Variants in TMEM44 observed in about 807,000 individuals in gnomAD.
The protein encoded by TMEM44 is transmembrane protein 44.
In TMEM44, 43 loss-of-function variants were observed where a neutral mutation model predicts 47.8. The observed-to-expected ratio is 0.90, with a 90% CI of 0.70 to 1.16. The LOEUF (loss-of-function observed/expected upper bound fraction) is 1.16. Ranked by LOEUF, TMEM44 falls within the 50% of genes most tolerant of loss-of-function variation. The pLI, the probability that TMEM44 is intolerant of heterozygous loss-of-function variation, is 0.00. For missense variants in TMEM44, 568 were observed against 555.2 expected (o/e 1.02, Z -0.23); for synonymous variants, 277 against 238.8 (o/e 1.16, Z -1.48).
intron 7 of TMEM44, among the ~76,000 whole-genome samples, chr3:194,613,804 C>G (rs1394194345): frequency 6.6e-6 from 1 of 150,580 alleles, no homozygotes; most frequent in Non-Finnish European, 1.5e-5. Context: ...CTAAACAACA[C>G]TTAAAGATCA....
At chr3:194,626,744 C>T (rs572460902) in intron 2 of TMEM44, among the ~76,000 whole-genome samples, 13 of 143,430 alleles carry the variant, frequency 9.1e-5, no homozygotes, top group Admixed American at 2.9e-4. Flanking sequence ...AGTGCAGTGG[C>T]GTGATCTCGG....
At chr3:194,632,109 C>A (rs1326315283) in intron 1 of TMEM44, among the ~76,000 whole-genome samples, 1 of 152,212 alleles carries the variant, frequency 6.6e-6, no homozygotes, top group Non-Finnish European at 1.5e-5. Flanking sequence ...CCTCTCAGAA[C>A]CTCAGGGTTC....
At chr3:194,603,759 C>A (rs1009743733) in intron 9 of TMEM44, among the ~76,000 whole-genome samples, 17 of 152,162 alleles carry the variant, frequency 1.1e-4, no homozygotes, top group African/African-American at 4.1e-4. Context: ...TCGGTGAAGA[C>A]CGGGCCCCAA....
intron 9 of TMEM44, among the ~76,000 whole-genome samples, chr3:194,595,573 T>C (rs1278399007): frequency 2.0e-5 from 3 of 151,754 alleles, no homozygotes; most frequent in East Asian, 1.9e-4. Flanking sequence ...TTCGGATGGA[T>C]TGTAAAGTTT....
intron 9 of TMEM44, among the ~76,000 whole-genome samples, chr3:194,599,425 T>C (rs1713803568): frequency 6.6e-6 from 1 of 152,124 alleles, no homozygotes; most frequent in African/African-American, 2.4e-5. Flanking sequence ...AACCAGGATC[T>C]TCAAGGAATA....
At chr3:194,618,055 C>A (rs1424901355) in intron 5 of TMEM44, among the ~76,000 whole-genome samples, 1 of 152,144 alleles carries the variant, frequency 6.6e-6, no homozygotes, top group Non-Finnish European at 1.5e-5. Context: ...GCCAATTACA[C>A]CTGGTTTCCT....
In TMEM44 at chr3:194,611,179, T is replaced by C. The variant is rs1715289104; in HGVS notation, c.913-159A>G. On this transcript the variant is annotated intron_variant, in intron 7 of 9. Coordinates refer to ENST00000347147, the MANE Select transcript of TMEM44 (RefSeq NM_001011655.3). This position sits in a 1 kb window ranked among gnomAD's most constrained non-coding sequence, Gnocchi z 4.2. ...CTTTCTGCTTCCTATAAGATGTGTC[T>C]TATCTTTCTCTTCGAGGCCACAGTC... 6.6e-6 allele frequency among the ~76,000 whole-genome samples: 1 copy of C among 152,234 alleles called. No homozygotes were observed. Among genetic ancestry groups the C allele is most frequent in the Non-Finnish European group, 1.5e-5 (1 of 68,038 alleles).
intron 2 of TMEM44, 29 bp downstream of exon 2, chr3:194,628,354 A>C: frequency 6.2e-7 from 1 of 1,601,832 alleles, no homozygotes; most frequent in Non-Finnish European, 8.5e-7. Flanking sequence ...TGCTGGCCTA[A>C]GCCACTGTCA....
intron 8 of TMEM44, among the ~76,000 whole-genome samples, chr3:194,608,580 T>C (rs2109179326): frequency 6.6e-6 from 1 of 152,282 alleles, no homozygotes; most frequent in South Asian, 2.1e-4. Flanking sequence ...ACTGGGTGGT[T>C]AGGGAAGAGC....
chr3:194,601,145 G>GT (rs200964048), intron 9 of TMEM44, among the ~76,000 whole-genome samples: 6,695 of 144,314 alleles, frequency 0.046, 239 homozygotes, highest in African/African-American at 0.081. Flanking sequence ...GAATTTACTT[G>GT]TTTGTTTTTT....
In TMEM44 at chr3:194,601,882, C is replaced by T. The variant is rs767858889; in HGVS notation, c.1176+2405G>A. The stretch of plus-strand genomic sequence containing the variant: ...AGATTTCTGAATTTTTCAAGTTCAC[C>T]GTGCAGTCCTTACCTCAACTGAGGG... On this transcript the variant is annotated intron_variant, in intron 9 of 9. Coordinates refer to ENST00000347147, the MANE Select transcript of TMEM44 (RefSeq NM_001011655.3). 6.6e-5 allele frequency among the ~76,000 whole-genome samples: 10 copies of T among 152,186 alleles called. 1 individual carries two copies. The South Asian group carries it at 1.2e-3, about 19-fold the overall frequency.
chr3:194,604,221 A>C, intron 9 of TMEM44, 66 bp downstream of exon 9: 1 of 1,538,342 alleles, frequency 6.5e-7, no homozygotes, highest in Non-Finnish European at 8.8e-7. Flanking sequence ...AGCCCCAAGG[A>C]GCACCCAGCA....
rs1714551187 is a variant in TMEM44 at position 194,604,457 on chromosome 3, G to A, written c.1018-12C>T. The A allele has an allele frequency of 6.7e-7, 1 of 1,493,942 alleles. No individual in the cohort carries two copies. The highest frequency in any genetic ancestry group is 9.0e-7 in the Non-Finnish European group (1 of 1,115,604). 92.5% of individuals were successfully genotyped at this position (1,493,942 alleles called of 1,614,324 possible). A position where few individuals can be genotyped will look rare whatever the true frequency, so the allele number is the denominator to read the frequency against. ...GCACTGCAGCCTGCCTGCAAGGTGT[G>A]TGAGAAAGGGCAGGCAAGGACACGT... On this transcript the variant is annotated splice_polypyrimidine_tract_variant and intron_variant, in intron 8 of 9. Transcript: ENST00000347147.
At position 194,628,313 on chromosome 3, in the gene TMEM44, G is replaced by A. The variant is rs1398325302; in HGVS notation, c.264+70C>T. 14 of 1,543,768 alleles carry A rather than the reference G, an allele frequency of 9.1e-6. No homozygotes were observed. The East Asian group carries it at 3.3e-4, about 37-fold the overall frequency. Reference sequence around the variant, plus strand: ...CAACAAGACAAAAGCCACCACGGCTGCAGCAGAGAGAAAGGCCAGGCCTCC... The same window carrying A: ...CAACAAGACAAAAGCCACCACGGCTACAGCAGAGAGAAAGGCCAGGCCTCC... On this transcript the variant is annotated intron_variant, in intron 2 of 9. Coordinates refer to ENST00000347147, the MANE Select transcript of TMEM44 (RefSeq NM_001011655.3).
In TMEM44 at chr3:194,630,074, G is replaced by A. The variant is rs538695839; in HGVS notation, c.138-1565C>T. 1.9e-4 allele frequency among the ~76,000 whole-genome samples: 21 copies of A among 108,178 alleles called. 1 individual carries two copies. Among genetic ancestry groups the A allele is most frequent in the African/African-American group, 7.3e-4 (20 of 27,518 alleles). The allele number at this position is 108,178 out of a possible 152,430, so 71.0% of individuals were successfully genotyped here. A position where few individuals can be genotyped will look rare whatever the true frequency, so the allele number is the denominator to read the frequency against. On this transcript the variant is annotated intron_variant, in intron 1 of 9. Transcript: ENST00000347147. ...AGGGTCCCTGAAATAATACGCTGTC[G>A]TACCTGCCTCCCGAAGGGGCTGGCT...
intron 9 of TMEM44, among the ~76,000 whole-genome samples, chr3:194,601,399 G>T (rs1714105047): frequency 6.6e-6 from 1 of 151,384 alleles, no homozygotes; most frequent in African/African-American, 2.4e-5. Context: ...CCGCCTCCTG[G>T]GTTCAAGCAA....
chr3:194,591,081 C>A (rs1712628369), intron 9 of TMEM44, among the ~76,000 whole-genome samples: 1 of 151,722 alleles, frequency 6.6e-6, no homozygotes. Flanking sequence ...GTAATCCCAG[C>A]TACTTGGGAG....
intron 9 of TMEM44, chr3:194,588,961 C>G (rs1577134469): frequency 3.4e-6 from 1 of 297,024 alleles, no homozygotes; most frequent in African/African-American, 2.2e-5. Flanking sequence ...ATCCTGACTC[C>G]ATGCCTAACT....
intron 8 of TMEM44, among the ~76,000 whole-genome samples, chr3:194,609,556 G>A (rs1439745086): frequency 6.6e-6 from 1 of 152,164 alleles, no homozygotes; most frequent in Non-Finnish European, 1.5e-5. Flanking sequence ...ACCTCGACAA[G>A]ACAGTCTTGG....
Sources: gnomAD v4.1 joint callset for allele counts (sites outside exome capture counted in the v4.1 genomes callset) on GRCh38, gnomAD v4.1.1 for gene constraint, Gnocchi (gnomAD v3.1) non-coding constraint, MANE v1.5 for transcripts, NCBI Gene and HGNC (gene_info 2026-07-23, HGNC 2026-07-21) for gene names.